CACYBP: variants seen among roughly 807,000 people sequenced by gnomAD.
CACYBP encodes calcyclin binding protein, also known as calcyclin-binding protein.
Under a neutral mutation model 29.6 loss-of-function variants are expected in CACYBP, and 11 were observed. The ratio of observed to expected loss-of-function variants is 0.37; its 90% CI spans 0.23 to 0.61. CACYBP has a LOEUF of 0.61. Among genes scored for constraint, CACYBP ranks in the 20% least tolerant of loss-of-function variants. The pLI is 0.65. For synonymous variants in CACYBP, 73 were observed against 88.3 expected (o/e 0.83, Z 0.97); for missense variants, 163 against 260.7 (o/e 0.63, Z 2.58).
At chr1:175,001,338 G>A (rs1672484004) in intron 1 of CACYBP, among the ~76,000 whole-genome samples, 1 of 152,174 alleles carries the variant, frequency 6.6e-6, no homozygotes, top group South Asian at 2.1e-4. Flanking sequence ...TAAAATTCAA[G>A]TTTTTAACCA....
At position 175,011,122 on chromosome 1, in the gene CACYBP, A is replaced by T. The variant is rs1227563780; in HGVS notation, c.*1043A>T. 1.4e-5 allele frequency: 2 copies of T among 141,850 alleles called. No homozygotes were observed. Among genetic ancestry groups the T allele is most frequent in the Non-Finnish European group, 3.1e-5 (2 of 64,046 alleles). The allele number at this position is 141,850 out of a possible 1,614,324, so 8.8% of individuals were successfully genotyped here. On this transcript the variant is annotated 3_prime_UTR_variant, in exon 6 of 6. Transcript: ENST00000367679. ...CTGTCTCATTAAAAAAAAAAAAAAA[A>T]AAAAAGCCGTTAGACACACAGGAAA... is the stretch of plus-strand genomic sequence containing the variant.
At chr1:175,007,450 A>C (rs370071573) in intron 4 of CACYBP, among the ~76,000 whole-genome samples, 10 of 152,252 alleles carry the variant, frequency 6.6e-5, no homozygotes, top group Admixed American at 2.0e-4. Context: ...AATATTTACT[A>C]TGCGGCCCTC....
At chr1:175,000,659 G>C in intron 1 of CACYBP, 1 of 984,778 alleles carries the variant, frequency 1.0e-6, no homozygotes. Context: ...CACACGAGGA[G>C]CTGTGTTACT....
chr1:175,000,567 T>G lies in CACYBP; in HGVS notation c.15+372T>G, dbSNP rs56359616. The G allele has an allele frequency of 6.5e-3, 7,447 of 1,153,034 alleles. 43 individuals are homozygous for G. The highest frequency in any genetic ancestry group is 7.2e-3 in the Non-Finnish European group (6,738 of 933,356). 71.4% of individuals were successfully genotyped at this position (1,153,034 alleles called of 1,614,324 possible). A position where few individuals can be genotyped will look rare whatever the true frequency, so the allele number is the denominator to read the frequency against. On this transcript the variant is annotated intron_variant, in intron 1 of 5. Transcript: ENST00000367679. The stretch of plus-strand genomic sequence containing the variant: ...ATTCAAGCAAAGCTGGGTGCAAACA[T>G]GAGTGTCGTTCTTGGTAGAGGGCGG...
chr1:175,000,136 C>T lies in CACYBP; in HGVS notation c.-45C>T, dbSNP rs752889549. The T allele has an allele frequency of 5.9e-5, 94 of 1,592,090 alleles. 3 individuals are homozygous for T. The Middle Eastern group carries it at 1.0e-3, about 17-fold the overall frequency. On this transcript the variant is annotated 5_prime_UTR_variant, in exon 1 of 6. Transcript: ENST00000367679. ...CTCGGCGCGGGGTTTCCTGTTCCTC[C>T]TTCTGCGCGGCTGCAGCTCGGGACT...
In CACYBP at chr1:175,011,328, A is replaced by AGTT; in HGVS notation, c.*1250_*1252dup. 6.6e-6 allele frequency: 1 copy of AGTT among 152,316 alleles called. No individual in the cohort carries two copies. Among genetic ancestry groups the AGTT allele is most frequent in the Non-Finnish European group, 1.5e-5 (1 of 68,030 alleles). 9.4% of individuals were successfully genotyped at this position (152,316 alleles called of 1,614,324 possible). On this transcript the variant is annotated 3_prime_UTR_variant, in exon 6 of 6. Transcript: ENST00000367679. ...GAATAGCAGACACAATGCATATGAAAGTTACAGAATATGGTAAAAGTGGGG... is the reference window on the plus strand; with the variant it reads ...GAATAGCAGACACAATGCATATGAAAGTTGTTACAGAATATGGTAAAAGTGGGG...
rs557160184 is a variant in CACYBP at position 175,011,513 on chromosome 1, A to T, written c.*1434A>T. ...GTGACTTAAAACCTAGAAGAAATAA[A>T]TAAAACTATTGATCAATTTTAACTA... On this transcript the variant is annotated 3_prime_UTR_variant, in exon 6 of 6. Coordinates refer to ENST00000367679, the MANE Select transcript of CACYBP (RefSeq NM_014412.3). 1.3e-5 allele frequency: 2 copies of T among 152,358 alleles called. No homozygotes were observed. The highest frequency in any genetic ancestry group is 1.9e-4 in the East Asian group (1 of 5,192). 9.4% of individuals were successfully genotyped at this position (152,358 alleles called of 1,614,324 possible).
intron 1 of CACYBP, among the ~76,000 whole-genome samples, chr1:175,001,748 ACTT>A (rs1420103521): frequency 1.3e-5 from 2 of 152,112 alleles, no homozygotes; most frequent in African/African-American, 2.4e-5. Context: ...ATTTATTTCC[ACTT>A]CTTTGTTTGA....
At chr1:175,002,232 G>A (rs1162609282) in intron 1 of CACYBP, among the ~76,000 whole-genome samples, 2 of 152,182 alleles carry the variant, frequency 1.3e-5, no homozygotes, top group Admixed American at 6.5e-5. Flanking sequence ...TGTAAGAAAT[G>A]TTTGAAGCTT....
intron 3 of CACYBP, 94 bp downstream of exon 3, chr1:175,006,935 AT>A: frequency 2.3e-6 from 2 of 882,700 alleles, no homozygotes; most frequent in Non-Finnish European, 1.8e-6. Context: ...AAATTCTTAA[AT>A]TTAGAATTAA....
At chr1:175,006,717 A>T (rs1404631252) in intron 2 of CACYBP, 28 bp from the exon 3 acceptor site, 5 of 1,164,652 alleles carry the variant, frequency 4.3e-6, no homozygotes, top group Non-Finnish European at 5.2e-6. Context: ...AGGCTTACTT[A>T]CGTCCCATCT....
chr1:175,000,648 A>G (rs921701098), intron 1 of CACYBP: 1 of 1,012,182 alleles, frequency 9.9e-7, no homozygotes, highest in African/African-American at 1.7e-5. Flanking sequence ...GGTTTTCTCT[A>G]CACACGAGGA....
In CACYBP at chr1:175,011,561, G is replaced by GA. The variant is rs1558327978; in HGVS notation, c.*1487dup. 1 of 152,212 alleles carries GA rather than the reference G, an allele frequency of 6.6e-6. No individual in the cohort carries two copies. Among genetic ancestry groups the GA allele is most frequent in the Non-Finnish European group, 1.5e-5 (1 of 67,980 alleles). 9.4% of individuals were successfully genotyped at this position (152,212 alleles called of 1,614,324 possible). A position where few individuals can be genotyped will look rare whatever the true frequency, so the allele number is the denominator to read the frequency against. ...CTACATAAAAATGTTTATAGGACAA[G>GA]AAAAACCCCACCATAACCCAAGGCA... On this transcript the variant is annotated 3_prime_UTR_variant, in exon 6 of 6. Coordinates refer to ENST00000367679, the MANE Select transcript of CACYBP (RefSeq NM_014412.3).
chr1:175,000,404 G>T, intron 1 of CACYBP: 1 of 1,405,756 alleles, frequency 7.1e-7, no homozygotes, highest in South Asian at 1.6e-5. Context: ...CACCCCACTC[G>T]CCTGCTGGGC....
In CACYBP at chr1:175,004,659, A is replaced by G; in HGVS notation, c.61A>G (p.Thr21Ala). 2.5e-6 allele frequency: 4 copies of G among 1,612,684 alleles called. No homozygotes were observed. Among genetic ancestry groups the G allele is most frequent in the Non-Finnish European group, 3.4e-6 (4 of 1,179,516 alleles). ...GGTAAAGGTGTTGCTGGAAAAGGCTACTAGGAAAAGAGTACGTGATGCCCT... is the reference window on the plus strand; with the variant it reads ...GGTAAAGGTGTTGCTGGAAAAGGCTGCTAGGAAAAGAGTACGTGATGCCCT... ...EEVKVLLEKA[T>A]RKRVRDALTA... The change falls in exon 2 of 6, where the codon ACT becomes GCT. Residue 21 changes from threonine to alanine, a missense_variant. Physicochemically the swap from Thr to Ala is moderately conservative, Grantham distance 58. Coordinates refer to ENST00000367679, the MANE Select transcript of CACYBP (RefSeq NM_014412.3).
chr1:175,004,979 T>C, intron 2 of CACYBP, 146 bp downstream of exon 2: 1 of 698,954 alleles, frequency 1.4e-6, no homozygotes. Context: ...ATAAAACTTT[T>C]TTAAGATATA....
chr1:174,999,927 G>C (rs931838694), upstream of CACYBP: 1 of 558,808 alleles, frequency 1.8e-6, no homozygotes, highest in African/African-American at 2.0e-5. Context: ...AGGCGAGGAA[G>C]GGTGGGTGGA....
intron 1 of CACYBP, among the ~76,000 whole-genome samples, chr1:175,003,580 G>A (rs533781568): frequency 6.6e-6 from 1 of 152,208 alleles, no homozygotes; most frequent in Non-Finnish European, 1.5e-5. Flanking sequence ...TCTGTTGTGC[G>A]TCTGATATTC....
At chr1:175,002,613 TTAGA>T (rs1052419480) in intron 1 of CACYBP, among the ~76,000 whole-genome samples, 86 of 152,300 alleles carry the variant, frequency 5.6e-4, no homozygotes, top group African/African-American at 1.9e-3. Context: ...ACATGATAAA[TTAGA>T]TAGGAAACTA....
Sources: allele counts gnomAD v4.1 joint callset (sites outside exome capture counted in the v4.1 genomes callset), GRCh38; gene constraint gnomAD v4.1.1; transcripts MANE v1.5; gene names NCBI Gene and HGNC (gene_info 2026-07-23, HGNC 2026-07-21).